Variants in WDFY3 observed in about 807,000 individuals in gnomAD.
The protein encoded by WDFY3 is WD repeat and FYVE domain containing 3.
Under a neutral mutation model 409.6 loss-of-function variants are expected in WDFY3, and 66 were observed. The ratio of observed to expected loss-of-function variants is 0.16; its 90% CI spans 0.13 to 0.20. WDFY3 has a LOEUF of 0.20. WDFY3 is among the 10% of genes least tolerant of loss of function. The pLI is 1.00. For missense variants in WDFY3, 3,031 were observed against 4,298.1 expected, an observed-to-expected ratio of 0.71 and a Z score of 8.24; for synonymous variants, 1,521 against 1,537.1, an observed-to-expected ratio of 0.99 and a Z score of 0.25.
intron 44 of WDFY3, 91 bp downstream of exon 44, chr4:84,733,291 T>G: frequency 5.1e-6 from 7 of 1,364,832 alleles, no homozygotes; most frequent in African/African-American, 1.5e-5. Context: ...ATTAGCTATT[T>G]GAGGTAATTG....
At chr4:84,707,679 T>TA (rs1233376010) in intron 53 of WDFY3, among the ~76,000 whole-genome samples, 3 of 152,194 alleles carry the variant, frequency 2.0e-5, no homozygotes, top group East Asian at 3.8e-4. Context: ...CCTGTCTCTT[T>TA]AAAAAATCTA....
At chr4:84,682,553 TCAGGGTTAA>T (rs1727554669) in intron 63 of WDFY3, 83 bp from the exon 64 acceptor site, 1 of 1,088,924 alleles carries the variant, frequency 9.2e-7, no homozygotes, top group East Asian at 2.5e-5. Context: ...AGAGAGACTG[TCAGGGTTAA>T]CAGATAACTT....
chr4:84,798,994 A>G (rs180787257), intron 17 of WDFY3, among the ~76,000 whole-genome samples: 1 of 152,298 alleles, frequency 6.6e-6, no homozygotes, highest in Admixed American at 6.5e-5. Flanking sequence ...GCAATCATAA[A>G]TTCTACTTAA....
At chr4:84,770,659 C>T (rs930284031) in intron 30 of WDFY3, among the ~76,000 whole-genome samples, 1 of 152,128 alleles carries the variant, frequency 6.6e-6, no homozygotes, top group African/African-American at 2.4e-5. Context: ...CCAAGAAGAA[C>T]CCAAGATCCT....
intron 25 of WDFY3, 44 bp downstream of exon 25, chr4:84,782,919 T>C (rs1490528367): frequency 1.3e-6 from 2 of 1,586,222 alleles, no homozygotes; most frequent in African/African-American, 1.4e-5. Flanking sequence ...GCAAACTTGA[T>C]GGCAAATAAA....
At chr4:84,827,117 G>T in intron 9 of WDFY3, 136 bp from the exon 10 acceptor site, 1 of 823,220 alleles carries the variant, frequency 1.2e-6, no homozygotes, top group Non-Finnish European at 1.7e-6. Flanking sequence ...GAACACTGGG[G>T]TCATTAGGGA....
chr4:84,867,389 GA>G (rs1761533982), intron 3 of WDFY3, among the ~76,000 whole-genome samples: 1 of 152,148 alleles, frequency 6.6e-6, no homozygotes, highest in South Asian at 2.1e-4. Flanking sequence ...ACAAACCACA[GA>G]AGAATGTTTT....
In WDFY3 at chr4:84,847,497, T is replaced by C. The variant is rs941271142; in HGVS notation, c.304+2405A>G. Among the ~76,000 whole-genome samples, 3 of 150,122 alleles carry C rather than the reference T, an allele frequency of 2.0e-5. No individual in the cohort carries two copies. In the East Asian group the frequency reaches 5.9e-4, roughly 29 times the overall value. ...AAAAACAAGAAACCGCCGGGCGCAG[T>C]GGCTCATGCCTGTAATCCCACCACT... On this transcript the variant is annotated intron_variant, in intron 5 of 67. Transcript: ENST00000295888.
chr4:84,767,399 A>C (rs1743852263), intron 30 of WDFY3, among the ~76,000 whole-genome samples: 1 of 152,120 alleles, frequency 6.6e-6, no homozygotes, highest in Non-Finnish European at 1.5e-5. Context: ...TAGACTAAGT[A>C]ATAACTCTAC....
At chr4:84,724,956 C>T (rs1193266239) in intron 45 of WDFY3, among the ~76,000 whole-genome samples, 2 of 152,194 alleles carry the variant, frequency 1.3e-5, no homozygotes, top group African/African-American at 2.4e-5. Flanking sequence ...AACAGCCTGT[C>T]TAGTCTGTGA....
intron 5 of WDFY3, 108 bp from the exon 6 acceptor site, chr4:84,841,371 T>C (rs1324666226): frequency 2.3e-6 from 2 of 851,830 alleles, no homozygotes; most frequent in Non-Finnish European, 1.8e-6. Context: ...CATAATTATA[T>C]CAGCACTATT....
chr4:84,715,256 T>C (rs746238706), intron 50 of WDFY3, 42 bp downstream of exon 50: 7 of 1,155,500 alleles, frequency 6.1e-6, no homozygotes, highest in Non-Finnish European at 6.2e-6. Context: ...CCCTCCCATA[T>C]CTTCCCATAA....
intron 5 of WDFY3, among the ~76,000 whole-genome samples, chr4:84,843,242 C>A (rs1757626847): frequency 6.6e-6 from 1 of 152,104 alleles, no homozygotes; most frequent in Non-Finnish European, 1.5e-5. Flanking sequence ...CAGGGAGATT[C>A]CAAACTCCAT....
intron 3 of WDFY3, among the ~76,000 whole-genome samples, chr4:84,875,728 A>G (rs1560980275): frequency 6.6e-6 from 1 of 152,162 alleles, no homozygotes; most frequent in East Asian, 1.9e-4. Context: ...GTTTTAAAAC[A>G]TTTTTGTTAA....
intron 2 of WDFY3, among the ~76,000 whole-genome samples, chr4:84,904,954 G>T (rs1766837877): frequency 6.8e-6 from 1 of 147,260 alleles, no homozygotes; most frequent in Non-Finnish European, 1.5e-5. Context: ...GGTGGTAGTG[G>T]TCCCTGGGGC....
At position 84,872,662 on chromosome 4, in the gene WDFY3, C is replaced by T. The variant is rs184178970; in HGVS notation, c.-31-12040G>A. The stretch of plus-strand genomic sequence containing the variant: ...ATTATAAATGTGAGTGGTCTAAATA[C>T]ACCAATTAAAGGATAGAGAATGTCA... On this transcript the variant is annotated intron_variant, in intron 3 of 67. Transcript: ENST00000295888. Among the ~76,000 whole-genome samples, 181 of 152,110 alleles carry T rather than the reference C, an allele frequency of 1.2e-3. 2 individuals carry two copies. The highest frequency in any genetic ancestry group is 4.1e-3 in the African/African-American group (169 of 41,514).
intron 3 of WDFY3, among the ~76,000 whole-genome samples, chr4:84,865,718 GA>G (rs1415943655): frequency 6.6e-5 from 10 of 152,122 alleles, no homozygotes; most frequent in Admixed American, 5.9e-4. Flanking sequence ...AACCCCACTG[GA>G]ATGATCCCTA....
chr4:84,904,281 C>A (rs965300716), intron 2 of WDFY3, among the ~76,000 whole-genome samples: 1 of 152,096 alleles, frequency 6.6e-6, no homozygotes, highest in Admixed American at 6.6e-5. Context: ...GCTCTTGTTG[C>A]CCAGGCTGGA....
intron 30 of WDFY3, among the ~76,000 whole-genome samples, chr4:84,770,084 A>C (rs1033846152): frequency 6.6e-6 from 1 of 151,386 alleles, no homozygotes; most frequent in Middle Eastern, 3.2e-3. Flanking sequence ...GCTGGAGTGC[A>C]GTGGCGTGAT....
Sources: gnomAD v4.1 joint callset for allele counts (sites outside exome capture counted in the v4.1 genomes callset) on GRCh38, gnomAD v4.1.1 for gene constraint, MANE v1.5 for transcripts, NCBI Gene and HGNC (gene_info 2026-07-23, HGNC 2026-07-21) for gene names.